NPHP4: variants seen among roughly 807,000 people sequenced by gnomAD.
The protein encoded by NPHP4 is nephrocystin-4.
In NPHP4, 151 loss-of-function variants were observed where a neutral mutation model predicts 155.8. That is an observed-to-expected ratio of 0.97 (90% CI 0.85 to 1.11). The LOEUF (loss-of-function observed/expected upper bound fraction) is 1.11, where lower values mean the gene tolerates loss of function less well. Ranked by LOEUF, NPHP4 falls within the 50% of genes least tolerant of loss-of-function variation. The pLI is 0.00. For missense variants in NPHP4, 1,956 were observed against 1,925.7 expected (o/e 1.02, Z -0.29); for synonymous variants, 845 against 816.8 (o/e 1.03, Z -0.59).
chr1:5,963,252 A>C (rs889688280), intron 5 of NPHP4, among the ~76,000 whole-genome samples: 2 of 152,084 alleles, frequency 1.3e-5, no homozygotes, highest in Non-Finnish European at 2.9e-5. Context: ...AAAATTACCC[A>C]GGCGTGGTGG....
Position 5,882,757 on chromosome 1 carries a change from C to T in NPHP4, c.2486-2518G>A, listed in dbSNP as rs1384571951. ...CTCCTGTCCTGCCCGCCATGGCCAC[C>T]TCTGCTCCCACATGCTTCGCAGGGG... On this transcript the variant is annotated intron_variant, in intron 18 of 29. Transcript: ENST00000378156. The surrounding 1 kb of genome is among the most constrained non-coding windows in gnomAD (Gnocchi z 5.1). The T allele has an allele frequency of 6.5e-6, 1 of 152,810 alleles. No homozygotes were observed. Among genetic ancestry groups the T allele is most frequent in the Non-Finnish European group, 1.5e-5 (1 of 68,478 alleles). The allele number at this position is 152,810 out of a possible 1,614,324, so 9.5% of individuals were successfully genotyped here. A position where few individuals can be genotyped will look rare whatever the true frequency, so the allele number is the denominator to read the frequency against.
intron 16 of NPHP4, among the ~76,000 whole-genome samples, chr1:5,893,456 G>T (rs1644244633): frequency 6.6e-6 from 1 of 152,188 alleles, no homozygotes; most frequent in Non-Finnish European, 1.5e-5. Context: ...TGGCAGCCCA[G>T]GCAGAGAGAG....
rs2100364592 is a variant in NPHP4 at position 5,863,658 on chromosome 1, G to A, written c.4140+232C>T. On this transcript the variant is annotated intron_variant, in intron 29 of 29. Coordinates refer to ENST00000378156, the MANE Select transcript of NPHP4 (RefSeq NM_015102.5). Reference sequence around the variant, plus strand: ...AGACTGAGCTGTCTAACATTACCATGAAAAGCCCTGGGCACAACACCCTTT... The same window carrying A: ...AGACTGAGCTGTCTAACATTACCATAAAAAGCCCTGGGCACAACACCCTTT... 3 of 623,036 alleles carry A rather than the reference G, an allele frequency of 4.8e-6. No individual in the cohort carries two copies. In the East Asian group the frequency reaches 8.2e-5, roughly 17 times the overall value. The allele number at this position is 623,036 out of a possible 1,614,324, so 38.6% of individuals were successfully genotyped here. A position where few individuals can be genotyped will look rare whatever the true frequency, so the allele number is the denominator to read the frequency against.
At position 5,902,365 on chromosome 1, in the gene NPHP4, C is replaced by T. The variant is rs543097686; in HGVS notation, c.2143+2252G>A. The stretch of plus-strand genomic sequence containing the variant: ...AAAGGCCATCCACATCAGGGGCTGG[C>T]GCCAGTGGGCACAGCTGGCTCTCAG... On this transcript the variant is annotated intron_variant, in intron 16 of 29. Transcript: ENST00000378156. Among the ~76,000 whole-genome samples the T allele has an allele frequency of 5.9e-5, 9 of 152,324 alleles. No homozygotes were observed. In the South Asian group the frequency reaches 1.4e-3, roughly 25 times the overall value.
chr1:5,875,332 A>AG (rs200385440), intron 20 of NPHP4, among the ~76,000 whole-genome samples: 2 of 129,534 alleles, frequency 1.5e-5, no homozygotes, highest in Admixed American at 1.4e-4. Context: ...CCTGACACGG[A>AG]GGTCCACACA....
chr1:5,890,883 A>G lies in NPHP4; in HGVS notation c.2289T>C (p.Ala763=), dbSNP rs1161995349. 3 of 1,610,252 alleles carry G rather than the reference A, an allele frequency of 1.9e-6. No individual in the cohort carries two copies. The highest frequency in any genetic ancestry group is 2.5e-6 in the Non-Finnish European group (3 of 1,177,874). The change falls in exon 17 of 30, where the codon GCT becomes GCC. Residue 763 remains alanine (A), a synonymous_variant. Transcript: ENST00000378156. This position sits in a 1 kb window ranked among gnomAD's most constrained non-coding sequence, Gnocchi z 4.9. ...GAGCCGCTACCTTCATCTGGACGGCAGCAGATCCGATGAGCAGCAGGGAGT... is the reference window on the plus strand; with the variant it reads ...GAGCCGCTACCTTCATCTGGACGGCGGCAGATCCGATGAGCAGCAGGGAGT... The part of the protein sequence containing the change: ...DGDSLLLIGS[A]AVQMKHLLRQ...
At position 5,892,206 on chromosome 1, in the gene NPHP4, C is replaced by T. The variant is rs1431559120; in HGVS notation, c.2144-1178G>A. 6.6e-6 allele frequency among the ~76,000 whole-genome samples: 1 copy of T among 152,222 alleles called. No individual in the cohort carries two copies. The highest frequency in any genetic ancestry group is 1.5e-5 in the Non-Finnish European group (1 of 68,032). ...TGTGGCATCTAGTGAGAGCTCCCAG[C>T]ATGAGCGACGCAGAAGATGGGTGAT... On this transcript the variant is annotated intron_variant, in intron 16 of 29. Transcript: ENST00000378156. This position sits in a 1 kb window ranked among gnomAD's most constrained non-coding sequence, Gnocchi z 4.5.
At chr1:5,982,443 G>T (rs755049885) in intron 2 of NPHP4, among the ~76,000 whole-genome samples, 1 of 152,174 alleles carries the variant, frequency 6.6e-6, no homozygotes, top group East Asian at 1.9e-4. Flanking sequence ...CTAGGTTTAC[G>T]TAAGTACATC....
In NPHP4 at chr1:5,879,780, C is replaced by CACACACACACACACGCAA. The variant is rs1482809595; in HGVS notation, c.2611+316_2611+333dup. 1.9e-4 allele frequency: 76 copies of CACACACACACACACGCAA among 406,966 alleles called. 1 individual carries two copies. Among genetic ancestry groups the CACACACACACACACGCAA allele is most frequent in the Admixed American group, 4.6e-4 (13 of 27,974 alleles). 25.2% of individuals were successfully genotyped at this position (406,966 alleles called of 1,614,324 possible). A position where few individuals can be genotyped will look rare whatever the true frequency, so the allele number is the denominator to read the frequency against. On this transcript the variant is annotated intron_variant, in intron 19 of 29. Coordinates refer to ENST00000378156, the MANE Select transcript of NPHP4 (RefSeq NM_015102.5). The stretch of plus-strand genomic sequence containing the variant: ...TTAACAGCACCACGAATGGTGCGCA[C>CACACACACACACACGCAA]ACACACACACACACGCAAACACACA...
At chr1:5,967,953 G>A (rs575092291) in intron 4 of NPHP4, among the ~76,000 whole-genome samples, 1 of 152,154 alleles carries the variant, frequency 6.6e-6, no homozygotes, top group Non-Finnish European at 1.5e-5. Context: ...AACCCTAGCT[G>A]AAAGGATGAT....
Position 5,986,152 on chromosome 1 carries a change from T to G in NPHP4, c.135+3A>C. The stretch of plus-strand genomic sequence containing the variant: ...CGCATTTGCTAACAGCACATTTTGT[T>G]ACCTGCCTAATTACCGGTCCGTCCA... On this transcript the variant is annotated splice_donor_region_variant and intron_variant, in intron 2 of 29. Coordinates refer to ENST00000378156, the MANE Select transcript of NPHP4 (RefSeq NM_015102.5). 4 of 1,613,842 alleles carry G rather than the reference T, an allele frequency of 2.5e-6. No homozygotes were observed. Among genetic ancestry groups the G allele is most frequent in the Non-Finnish European group, 3.4e-6 (4 of 1,179,830 alleles).
At chr1:5,874,038 C>T (rs1488958057) in intron 22 of NPHP4, among the ~76,000 whole-genome samples, 3 of 152,096 alleles carry the variant, frequency 2.0e-5, no homozygotes, top group Non-Finnish European at 2.9e-5. Flanking sequence ...ACCTGCTGCA[C>T]GCACGCTCCC....
chr1:5,918,125 G>A (rs1225059204), intron 11 of NPHP4, among the ~76,000 whole-genome samples: 1 of 152,148 alleles, frequency 6.6e-6, no homozygotes, highest in East Asian at 1.9e-4. Flanking sequence ...GAAGGAATCA[G>A]ACAACACACA....
intron 11 of NPHP4, among the ~76,000 whole-genome samples, chr1:5,918,940 A>G (rs1353987654): frequency 6.6e-6 from 1 of 152,188 alleles, no homozygotes; most frequent in East Asian, 1.9e-4. Context: ...TAAAGCCCAG[A>G]AAAAAATGGG....
At chr1:5,896,449 A>G (rs1197034588) in intron 16 of NPHP4, among the ~76,000 whole-genome samples, 1 of 152,238 alleles carries the variant, frequency 6.6e-6, no homozygotes, top group Non-Finnish European at 1.5e-5. Context: ...ATCTGACTTC[A>G]GCAGGACACG....
At chr1:5,878,008 G>A (rs1447210634) in intron 19 of NPHP4, among the ~76,000 whole-genome samples, 1 of 152,216 alleles carries the variant, frequency 6.6e-6, no homozygotes, top group Non-Finnish European at 1.5e-5. Flanking sequence ...GCTGTGCTGG[G>A]TGACCAGGCC....
intron 11 of NPHP4, among the ~76,000 whole-genome samples, chr1:5,909,560 C>G (rs1429904199): frequency 1.3e-5 from 2 of 152,212 alleles, no homozygotes. Context: ...CCCGGAAGAG[C>G]TGGGGTCTGA....
intron 16 of NPHP4, among the ~76,000 whole-genome samples, chr1:5,898,289 A>G (rs1032388738): frequency 6.6e-6 from 1 of 152,244 alleles, no homozygotes; most frequent in Non-Finnish European, 1.5e-5. Context: ...GCCCAGGGCC[A>G]AGGAGGGAAC....
At chr1:5,917,227 C>T (rs1260557950) in intron 11 of NPHP4, among the ~76,000 whole-genome samples, 2 of 152,164 alleles carry the variant, frequency 1.3e-5, no homozygotes, top group Admixed American at 1.3e-4. Context: ...CTGTCCCCAC[C>T]CCCATCCCCA....
Sources: allele counts gnomAD v4.1 joint callset (sites outside exome capture counted in the v4.1 genomes callset), GRCh38; gene constraint gnomAD v4.1.1; non-coding constraint Gnocchi (gnomAD v3.1); transcripts MANE v1.5; gene names NCBI Gene and HGNC (gene_info 2026-07-23, HGNC 2026-07-21).